Variants in TMEM222 observed in about 807,000 individuals in gnomAD.
The protein encoded by TMEM222 is transmembrane protein 222.
A neutral mutation model predicts 25.1 loss-of-function variants in TMEM222; 18 were observed. That is an observed-to-expected ratio of 0.72 (90% confidence interval 0.50 to 1.06). The LOEUF (loss-of-function observed/expected upper bound fraction) is 1.06, where lower values mean the gene tolerates loss of function less well. Among genes scored for constraint, TMEM222 ranks in the 50% least tolerant of loss-of-function variants. TMEM222 has a pLI of 0.00. For synonymous variants in TMEM222, 131 were observed against 117.9 expected (o/e 1.11, Z -0.72); for missense variants, 296 against 293.7 (o/e 1.01, Z -0.06).
intron 1 of TMEM222, among the ~76,000 whole-genome samples, chr1:27,324,136 A>G (rs2014281067): frequency 6.6e-6 from 1 of 152,156 alleles, no homozygotes; most frequent in Non-Finnish European, 1.5e-5. Flanking sequence ...GACAAGCCTG[A>G]CCAACATGGA....
At chr1:27,327,538 G>T (rs987827009) in intron 1 of TMEM222, among the ~76,000 whole-genome samples, 4 of 152,210 alleles carry the variant, frequency 2.6e-5, no homozygotes, top group African/African-American at 9.7e-5. Context: ...ACAGGCACAT[G>T]CCACCATGCC....
At chr1:27,325,699 C>G (rs182242534) in intron 1 of TMEM222, 1 of 845,092 alleles carries the variant, frequency 1.2e-6, no homozygotes, top group African/African-American at 1.7e-5. Context: ...ATCAGCGGCT[C>G]CATCCTGGCC....
At position 27,332,077 on chromosome 1, in the gene TMEM222, A is replaced by G. The variant is rs937491457; in HGVS notation, c.287A>G (p.Asn96Ser). 3 of 1,614,276 alleles carry G rather than the reference A, an allele frequency of 1.9e-6. No individual in the cohort carries two copies. The highest frequency in any genetic ancestry group is 2.2e-5 in the South Asian group (2 of 91,090). Residue 96 changes from asparagine to serine, a missense_variant, in exon 3 of 6, where the codon AAC becomes AGC. By Grantham distance (46) the Asn-to-Ser change is conservative (BLOSUM62 1). Coordinates refer to ENST00000374076, the MANE Select transcript of TMEM222 (RefSeq NM_032125.3). ...FAGPYFVSED[N>S]MAFGKPAKYW... ...GCTTTTGTCCCTCAACAGGAGGACA[A>G]CATGGCCTTTGGAAAGCCTGCCAAG... is the stretch of plus-strand genomic sequence containing the variant.
At chr1:27,325,916 G>T (rs1395940658) in intron 1 of TMEM222, 11 of 688,724 alleles carry the variant, frequency 1.6e-5, no homozygotes, top group Non-Finnish European at 2.9e-5. Flanking sequence ...CCTTCGAAAA[G>T]AAATTGTCGT....
At chr1:27,327,513 C>T (rs544922438) in intron 1 of TMEM222, among the ~76,000 whole-genome samples, 2 of 152,330 alleles carry the variant, frequency 1.3e-5, no homozygotes, top group East Asian at 1.9e-4. Context: ...CTCAGCCTCT[C>T]GAGTAGCTGG....
intron 3 of TMEM222, chr1:27,332,993 C>T (rs1325920639): frequency 3.3e-6 from 1 of 304,962 alleles, no homozygotes; most frequent in Non-Finnish European, 6.5e-6. Flanking sequence ...TCTCCTTGGC[C>T]TGAGACCCAC....
intron 1 of TMEM222, among the ~76,000 whole-genome samples, chr1:27,328,549 T>G (rs947773500): frequency 6.6e-6 from 1 of 152,188 alleles, no homozygotes; most frequent in African/African-American, 2.4e-5. Context: ...CTCTCCAGTC[T>G]TCATTTGAAA....
intron 1 of TMEM222, among the ~76,000 whole-genome samples, chr1:27,328,737 G>A (rs2014410652): frequency 6.6e-6 from 1 of 152,160 alleles, no homozygotes; most frequent in Non-Finnish European, 1.5e-5. Context: ...TGTTGATGTT[G>A]TGTCCTTTCA....
At chr1:27,332,351 A>C in intron 3 of TMEM222, 1 of 714,874 alleles carries the variant, frequency 1.4e-6, no homozygotes, top group Admixed American at 2.0e-5. Context: ...TGTATTTTCA[A>C]CTCCATGGCA....
rs2014463144 is a variant in TMEM222 at position 27,330,905 on chromosome 1, C to T, written c.279+101C>T. On this transcript the variant is annotated intron_variant, in intron 2 of 5. Coordinates refer to ENST00000374076, the MANE Select transcript of TMEM222 (RefSeq NM_032125.3). ...CTTCGTCTCCCCAGACCCAGGAGAACGTAGATAACCCGCAGTCCTGGCCCT... is the reference window on the plus strand; with the variant it reads ...CTTCGTCTCCCCAGACCCAGGAGAATGTAGATAACCCGCAGTCCTGGCCCT... 1.1e-5 allele frequency: 17 copies of T among 1,586,198 alleles called. No homozygotes were observed. In the Admixed American group the frequency reaches 1.2e-4, roughly 11 times the overall value.
intron 1 of TMEM222, among the ~76,000 whole-genome samples, chr1:27,330,327 G>A (rs2014449405): frequency 6.6e-6 from 1 of 152,088 alleles, no homozygotes; most frequent in African/African-American, 2.4e-5. Context: ...AACTCGGGAG[G>A]CGGAGGTTGC....
At chr1:27,325,171 G>C in intron 1 of TMEM222, 1 of 373,516 alleles carries the variant, frequency 2.7e-6, no homozygotes, top group Non-Finnish European at 5.2e-6. Context: ...CCAAAGATCT[G>C]TCTACCCCCT....
At position 27,335,560 on chromosome 1, in the gene TMEM222, A is replaced by G; in HGVS notation, c.*94A>G. On this transcript the variant is annotated 3_prime_UTR_variant, in exon 6 of 6. Transcript: ENST00000374076. ...TTTTTTTCTCCTCACCCCAAAAGGCAGGGTTGGGCCTGCTGTTGTGGACCG... is the reference window on the plus strand; with the variant it reads ...TTTTTTTCTCCTCACCCCAAAAGGCGGGGTTGGGCCTGCTGTTGTGGACCG... The G allele has an allele frequency of 3.1e-6, 4 of 1,298,492 alleles. No homozygotes were observed. In the South Asian group the frequency reaches 4.9e-5, roughly 16 times the overall value. 80.4% of individuals were successfully genotyped at this position (1,298,492 alleles called of 1,614,324 possible).
intron 2 of TMEM222, 102 bp from the exon 3 acceptor site, chr1:27,331,968 A>C (rs1352133970): frequency 1.9e-5 from 15 of 773,818 alleles, no homozygotes; most frequent in Non-Finnish European, 2.5e-5. Flanking sequence ...CCCACCCCTG[A>C]CATACCCTCT....
rs1447735099 is a variant in TMEM222, at chr1:27,322,274, C to T, written c.77C>T (p.Ala26Val). Residue 26 changes from alanine to valine, a missense_variant, in exon 1 of 6, where the codon GCG becomes GTG. By Grantham distance (64) the Ala-to-Val change is moderately conservative (BLOSUM62 0). Coordinates refer to ENST00000374076, the MANE Select transcript of TMEM222 (RefSeq NM_032125.3). ...PPPPRMAEVE[A>V]PTAAETDMKQ... ...CCGCCCAGGATGGCGGAAGTGGAGGCGCCGACGGCGGCCGAGACGGACATG... is the reference window on the plus strand; with the variant it reads ...CCGCCCAGGATGGCGGAAGTGGAGGTGCCGACGGCGGCCGAGACGGACATG... The T allele has an allele frequency of 1.3e-6, 2 of 1,544,774 alleles. No individual in the cohort carries two copies. The highest frequency in any genetic ancestry group is 5.0e-5 in the East Asian group (2 of 40,234).
At chr1:27,331,007 G>A in intron 2 of TMEM222, 1 of 1,464,054 alleles carries the variant, frequency 6.8e-7, no homozygotes, top group Non-Finnish European at 9.0e-7. Flanking sequence ...GGGCAGTGTG[G>A]CCAGAAGGAT....
At chr1:27,323,722 G>A (rs909929258) in intron 1 of TMEM222, among the ~76,000 whole-genome samples, 5 of 152,138 alleles carry the variant, frequency 3.3e-5, no homozygotes, top group Admixed American at 2.0e-4. Flanking sequence ...GCAGTGAGCC[G>A]AGATTGCACC....
intron 3 of TMEM222, 42 bp downstream of exon 3, chr1:27,332,143 C>G (rs200637289): frequency 1.2e-6 from 2 of 1,612,754 alleles, no homozygotes; most frequent in Non-Finnish European, 1.7e-6. Context: ...AGAGGCAGGT[C>G]GCTCCTGCCG....
intron 2 of TMEM222, 101 bp from the exon 3 acceptor site, chr1:27,331,969 C>T (rs1442193787): frequency 8.2e-7 from 1 of 1,216,330 alleles, no homozygotes; most frequent in East Asian, 2.3e-5. Flanking sequence ...CCACCCCTGA[C>T]ATACCCTCTT....
Sources: allele counts gnomAD v4.1 joint callset (sites outside exome capture counted in the v4.1 genomes callset), GRCh38; gene constraint gnomAD v4.1.1; transcripts MANE v1.5; gene names NCBI Gene and HGNC (gene_info 2026-07-23, HGNC 2026-07-21).